The following JARID2 variants were observed in gnomAD, a reference collection of about 807,000 sequenced individuals.
The protein encoded by JARID2 is jumonji and AT-rich interaction domain containing 2.
Under a neutral mutation model 125.6 loss-of-function variants are expected in JARID2, and 21 were observed. The observed-to-expected ratio is 0.17, with a 90% CI of 0.12 to 0.24. JARID2 has a LOEUF of 0.24. Among genes scored for constraint, JARID2 ranks in the 10% least tolerant of loss-of-function variants. The pLI, the probability that JARID2 is intolerant of heterozygous loss-of-function variation, is 1.00. For missense variants in JARID2, 1,303 were observed against 1,639.6 expected, an observed-to-expected ratio of 0.79 and a Z score of 3.55; for synonymous variants, 736 against 661.6, an observed-to-expected ratio of 1.11 and a Z score of -1.73.
rs1227642334 is a variant in JARID2, at chr6:15,403,759, A to G, written c.182-6465A>G. On this transcript the variant is annotated intron_variant, in intron 2 of 17. Coordinates refer to ENST00000341776, the MANE Select transcript of JARID2 (RefSeq NM_004973.4). ...GTGGGGGCGGATTCTGGTGGTGGTG[A>G]GAGAGCTCTTGTGAGATTGTTGATT... Among the ~76,000 whole-genome samples, 3 of 152,144 alleles carry G rather than the reference A, an allele frequency of 2.0e-5. No individual in the cohort carries two copies. The East Asian group carries it at 5.8e-4, about 29-fold the overall frequency.
At chr6:15,517,343 C>G in intron 17 of JARID2, 75 bp downstream of exon 17, 1 of 1,020,888 alleles carries the variant, frequency 9.8e-7, no homozygotes. Flanking sequence ...TGTAGGCACT[C>G]CGGCCTGGCA....
intron 1 of JARID2, among the ~76,000 whole-genome samples, chr6:15,278,040 G>C (rs1760602028): frequency 6.6e-6 from 1 of 151,970 alleles, no homozygotes; most frequent in Non-Finnish European, 1.5e-5. Context: ...TTCAGATCAG[G>C]AGTTTGAGAT....
intron 4 of JARID2, among the ~76,000 whole-genome samples, chr6:15,458,771 A>AT (rs1166582273): frequency 5.3e-5 from 8 of 152,348 alleles, no homozygotes; most frequent in African/African-American, 1.7e-4. Flanking sequence ...GTTACAGTGC[A>AT]TTAGGAATCT....
rs769997586 is a variant in JARID2 at position 15,496,301 on chromosome 6, A to G, written c.1076A>G (p.Asp359Gly). The G allele has an allele frequency of 3.7e-6, 6 of 1,614,084 alleles. No individual in the cohort carries two copies. The East Asian group carries it at 1.1e-4, about 30-fold the overall frequency. ...YTKAKRELVK[D>G]TKPNHHKPSS... ...AAAGCCAAGAGAGAACTGGTCAAGG[A>G]CACCAAACCCAATCACCACAAGCCC... is the stretch of plus-strand genomic sequence containing the variant. Residue 359 changes from aspartate to glycine, a missense_variant, in exon 7 of 18, where the codon GAC becomes GGC. Asp to Gly is a moderately conservative substitution (Grantham distance 94, BLOSUM62 -1). Around this residue, in one of 11 missense-constraint regions of JARID2, gnomAD observed 651 missense variants for 581.6 expected, o/e 1.12. Transcript: ENST00000341776.
chr6:15,464,526 G>GA (rs1240072644), intron 4 of JARID2, among the ~76,000 whole-genome samples: 1 of 152,192 alleles, frequency 6.6e-6, no homozygotes, highest in Non-Finnish European at 1.5e-5. Context: ...TGCCAAGGAG[G>GA]ACAGTCAGGC....
rs1490459030 is a variant in JARID2 at position 15,300,002 on chromosome 6, C to T, written c.45+53418C>T. ...TCTTGAACTGCCTGTTTCCTCCCAA[C>T]CTCCAAAAGGTTATAATGTCCCCAT... On this transcript the variant is annotated intron_variant, in intron 1 of 17. Transcript: ENST00000341776. Among the ~76,000 whole-genome samples, 4 of 152,268 alleles carry T rather than the reference C, an allele frequency of 2.6e-5. No individual in the cohort carries two copies. The East Asian group carries it at 5.8e-4, about 22-fold the overall frequency.
At chr6:15,344,435 C>T (rs1200814004) in intron 1 of JARID2, among the ~76,000 whole-genome samples, 3 of 151,698 alleles carry the variant, frequency 2.0e-5, no homozygotes, top group African/African-American at 7.3e-5. Context: ...ACTGAGAGTC[C>T]TACTAAAGTC....
intron 1 of JARID2, among the ~76,000 whole-genome samples, chr6:15,266,793 C>T (rs1760100093): frequency 6.6e-6 from 1 of 152,158 alleles, no homozygotes; most frequent in Non-Finnish European, 1.5e-5. Context: ...CTCATGACCC[C>T]AGGAGACCTC....
chr6:15,481,010 T>G (rs1165652412), intron 5 of JARID2, among the ~76,000 whole-genome samples: 1 of 152,222 alleles, frequency 6.6e-6, no homozygotes, highest in Non-Finnish European at 1.5e-5. Flanking sequence ...GGAAAGTGTA[T>G]CTCTCTGCCT....
At chr6:15,384,753 CCAG>C (rs1764720246) in intron 2 of JARID2, among the ~76,000 whole-genome samples, 2 of 152,070 alleles carry the variant, frequency 1.3e-5, no homozygotes, top group African/African-American at 4.8e-5. Context: ...GCCATCATGT[CCAG>C]CAAATAGACA....
At chr6:15,510,126 G>T (rs1427670966) in intron 12 of JARID2, among the ~76,000 whole-genome samples, 4 of 152,116 alleles carry the variant, frequency 2.6e-5, no homozygotes, top group Non-Finnish European at 4.4e-5. Context: ...GGCGGGGGCT[G>T]TGGGGAGGGG....
At chr6:15,507,006 C>G in intron 9 of JARID2, 130 bp from the exon 10 acceptor site, 1 of 663,328 alleles carries the variant, frequency 1.5e-6, no homozygotes, top group Non-Finnish European at 2.8e-6. Context: ...TGGAGACACT[C>G]TGCAAAGAGA....
chr6:15,469,304 GTCTC>G (rs71897623), intron 5 of JARID2, among the ~76,000 whole-genome samples: 45 of 55,882 alleles, frequency 8.1e-4, no homozygotes, highest in Admixed American at 1.3e-3. Flanking sequence ...CTCTGTCTCT[GTCTC>G]TCTCTCTCTG....
chr6:15,407,330 G>A (rs1402843718), intron 2 of JARID2, among the ~76,000 whole-genome samples: 1 of 152,164 alleles, frequency 6.6e-6, no homozygotes, highest in Non-Finnish European at 1.5e-5. Flanking sequence ...ACCTGGGAAT[G>A]TGTTAGAACG....
intron 1 of JARID2, among the ~76,000 whole-genome samples, chr6:15,308,733 A>T (rs1009338172): frequency 6.6e-6 from 1 of 152,232 alleles, no homozygotes; most frequent in African/African-American, 2.4e-5. Context: ...TTGAAAAGAC[A>T]GGAATTGTAA....
intron 3 of JARID2, among the ~76,000 whole-genome samples, chr6:15,425,782 G>A (rs191304860): frequency 5.3e-5 from 8 of 152,184 alleles, no homozygotes; most frequent in Admixed American, 2.6e-4. Flanking sequence ...GACTAAGAGC[G>A]CAAGTGTGCT....
At chr6:15,371,513 C>G (rs116669302) in intron 1 of JARID2, among the ~76,000 whole-genome samples, 330 of 152,284 alleles carry the variant, frequency 2.2e-3, no homozygotes, top group African/African-American at 7.6e-3. Flanking sequence ...AGCATTAACT[C>G]CTCCTGCAGT....
chr6:15,456,893 T>C (rs952560212), intron 4 of JARID2, among the ~76,000 whole-genome samples: 6 of 150,036 alleles, frequency 4.0e-5, no homozygotes, highest in African/African-American at 1.5e-4. Context: ...TTTTTTTTTT[T>C]TTTTTACAAT....
chr6:15,359,570 T>C (rs1763720566), intron 1 of JARID2, among the ~76,000 whole-genome samples: 1 of 152,148 alleles, frequency 6.6e-6, no homozygotes. Flanking sequence ...ATTTTTCTTA[T>C]TTGCATTGAA....
Sources: gnomAD v4.1 joint callset for allele counts (sites outside exome capture counted in the v4.1 genomes callset) on GRCh38, gnomAD v4.1.1 for gene constraint, gnomAD v4.1.1 regional missense constraint, MANE v1.5 for transcripts, NCBI Gene and HGNC (gene_info 2026-07-23, HGNC 2026-07-21) for gene names.